LRBA: variants seen among roughly 807,000 people sequenced by gnomAD.
LRBA encodes LPS responsive beige-like anchor protein.
Under a neutral mutation model 330.0 loss-of-function variants are expected in LRBA, and 176 were observed. That is an observed-to-expected ratio of 0.53 (90% CI 0.47 to 0.60). LRBA has a LOEUF of 0.60. Ranked by LOEUF, LRBA falls within the 20% of genes least tolerant of loss-of-function variation. LRBA has a pLI of 0.00. For missense variants in LRBA, 3,259 were observed against 3,444.8 expected, an observed-to-expected ratio of 0.95 and a Z score of 1.35; for synonymous variants, 1,230 against 1,193.0, an observed-to-expected ratio of 1.03 and a Z score of -0.64.
At chr4:150,798,767 ATTTAAAG>A (rs1741160968) in intron 33 of LRBA, among the ~76,000 whole-genome samples, 1 of 152,174 alleles carries the variant, frequency 6.6e-6, no homozygotes, top group African/African-American at 2.4e-5. Context: ...ATTAATACCT[ATTTAAAG>A]AAGTCTTTGG....
intron 33 of LRBA, among the ~76,000 whole-genome samples, chr4:150,805,274 A>AAAGGAG (rs1742439072): frequency 2.3e-5 from 3 of 129,946 alleles, no homozygotes; most frequent in East Asian, 2.2e-4. Flanking sequence ...GAAGGAAAGG[A>AAAGGAG]AAGGAAAGGA....
intron 40 of LRBA, among the ~76,000 whole-genome samples, chr4:150,568,028 G>A (rs908269727): frequency 2.6e-5 from 4 of 152,086 alleles, no homozygotes; most frequent in African/African-American, 7.2e-5. Flanking sequence ...GCACTTGCCC[G>A]GGCACTGTGG....
chr4:150,823,122 T>C (rs1464091337), intron 30 of LRBA, among the ~76,000 whole-genome samples: 1 of 152,202 alleles, frequency 6.6e-6, no homozygotes, highest in African/African-American at 2.4e-5. Flanking sequence ...CGATTTTAAC[T>C]GGAGTGAGAT....
intron 34 of LRBA, among the ~76,000 whole-genome samples, chr4:150,789,296 A>G (rs181358973): frequency 6.6e-6 from 1 of 152,260 alleles, no homozygotes; most frequent in Admixed American, 6.5e-5. Flanking sequence ...TCAGGCCTAA[A>G]TCAAAGTTCA....
intron 37 of LRBA, among the ~76,000 whole-genome samples, chr4:150,656,240 A>G (rs1171724778): frequency 6.6e-6 from 1 of 152,198 alleles, no homozygotes. Flanking sequence ...CCCCAAGTGA[A>G]AGGTCTAATT....
At chr4:150,809,368 C>A (rs956855839) in intron 31 of LRBA, among the ~76,000 whole-genome samples, 9 of 152,098 alleles carry the variant, frequency 5.9e-5, no homozygotes, top group African/African-American at 2.2e-4. Flanking sequence ...GATTCAAGAT[C>A]TGTGTAAGAA....
intron 34 of LRBA, among the ~76,000 whole-genome samples, chr4:150,790,882 T>C (rs1193208910): frequency 6.6e-6 from 1 of 152,078 alleles, no homozygotes; most frequent in Non-Finnish European, 1.5e-5. Context: ...ACAATATGAG[T>C]GTATTAGAAG....
At chr4:151,006,843 C>T (rs910604824) in intron 2 of LRBA, among the ~76,000 whole-genome samples, 2 of 152,130 alleles carry the variant, frequency 1.3e-5, no homozygotes, top group Non-Finnish European at 2.9e-5. Context: ...TTCACCAATT[C>T]ACCCAAATTT....
Position 150,872,774 on chromosome 4 carries a change from A to T in LRBA, c.2166-19T>A. Reference sequence around the variant, plus strand: ...GATAACACTGAATGAATAAAAATTTAAAACAAACTATTTTGAGTATAATTT... The same window carrying T: ...GATAACACTGAATGAATAAAAATTTTAAACAAACTATTTTGAGTATAATTT... On this transcript the variant is annotated intron_variant, in intron 17 of 56. Transcript: ENST00000651943. 7.7e-7 allele frequency: 1 copy of T among 1,292,308 alleles called. No homozygotes were observed. The highest frequency in any genetic ancestry group is 1.1e-6 in the Non-Finnish European group (1 of 904,878). 80.1% of individuals were successfully genotyped at this position (1,292,308 alleles called of 1,614,324 possible). A position where few individuals can be genotyped will look rare whatever the true frequency, so the allele number is the denominator to read the frequency against.
In LRBA at chr4:150,588,115, A is replaced by G; in HGVS notation, c.6263T>C (p.Val2088Ala). The change falls in exon 40 of 57, where the codon GTC becomes GCC. Residue 2088 changes from valine to alanine, a missense_variant. Coordinates refer to ENST00000651943, the MANE Select transcript of LRBA (RefSeq NM_001364905.1). ...PSVVVKGTLS[V>A]TSSELYFEVD... is the part of the protein sequence containing the mutation. ...CTCAAAATAGAGTTCGGAGGAGGTG[A>G]CAGAAAGAGTGCCCTTTACTACAAC... is the stretch of plus-strand genomic sequence containing the variant. The G allele has an allele frequency of 6.2e-7, 1 of 1,612,712 alleles. No individual in the cohort carries two copies. The highest frequency in any genetic ancestry group is 1.1e-5 in the South Asian group (1 of 90,628).
chr4:150,721,826 AG>A (rs1728979728), intron 36 of LRBA, among the ~76,000 whole-genome samples: 1 of 152,260 alleles, frequency 6.6e-6, no homozygotes, highest in East Asian at 1.9e-4. Context: ...CTTGTTGGCC[AG>A]GCTGGTCGCG....
intron 24 of LRBA, among the ~76,000 whole-genome samples, chr4:150,849,899 A>G (rs755190603): frequency 5.9e-5 from 9 of 152,214 alleles, no homozygotes; most frequent in Middle Eastern, 3.2e-3. Context: ...AAATACTGGT[A>G]AATGTGCTAT....
At chr4:150,856,232 G>C (rs2126937635) in intron 22 of LRBA, among the ~76,000 whole-genome samples, 1 of 152,250 alleles carries the variant, frequency 6.6e-6, no homozygotes, top group Middle Eastern at 3.4e-3. Context: ...AGCAAGCTAA[G>C]TACTCCTAAT....
At position 150,928,591 on chromosome 4, in the gene LRBA, C is replaced by A; in HGVS notation, c.474G>T (p.Val158=). Residue 158 remains valine, a synonymous_variant, in exon 4 of 57, where the codon GTG becomes GTT. Coordinates refer to ENST00000651943, the MANE Select transcript of LRBA (RefSeq NM_001364905.1). ...IADLLVDMLG[V]LASYNLTVRE... ...GAACTGTCAAATTATAGCTAGCCAG[C>A]ACTCCCAACATGTCAACCAAAAGAT... is the stretch of plus-strand genomic sequence containing the variant. 1 of 1,613,594 alleles carries A rather than the reference C, an allele frequency of 6.2e-7. No homozygotes were observed. Among genetic ancestry groups the A allele is most frequent in the Non-Finnish European group, 8.5e-7 (1 of 1,179,700 alleles).
At chr4:150,856,260 T>C (rs1403274092) in intron 22 of LRBA, among the ~76,000 whole-genome samples, 2 of 152,114 alleles carry the variant, frequency 1.3e-5, no homozygotes, top group Non-Finnish European at 2.9e-5. Context: ...CAGGTCCACC[T>C]CTCCTGAGTG....
At chr4:150,853,006 T>C (rs1431554942) in intron 22 of LRBA, 63 bp from the exon 23 acceptor site, 29 of 860,246 alleles carry the variant, frequency 3.4e-5, no homozygotes, top group Non-Finnish European at 4.2e-5. Flanking sequence ...ATACAAAATA[T>C]AAAACTAAAT....
intron 53 of LRBA, among the ~76,000 whole-genome samples, chr4:150,300,111 C>T (rs1580943125): frequency 6.6e-6 from 1 of 151,938 alleles, no homozygotes; most frequent in African/African-American, 2.4e-5. Flanking sequence ...TTTTGAAAAG[C>T]GTAGATTGCA....
intron 40 of LRBA, among the ~76,000 whole-genome samples, chr4:150,537,106 C>A (rs1336029462): frequency 2.6e-5 from 4 of 152,162 alleles, no homozygotes; most frequent in Non-Finnish European, 5.9e-5. Context: ...ATAACCAAAA[C>A]AGCATGATAC....
intron 34 of LRBA, among the ~76,000 whole-genome samples, chr4:150,781,491 G>A (rs544798434): frequency 2.7e-4 from 41 of 152,346 alleles, no homozygotes; most frequent in African/African-American, 9.6e-4. Context: ...TACAGATGAA[G>A]CTTGGCTGGC....
Sources: allele counts gnomAD v4.1 joint callset (sites outside exome capture counted in the v4.1 genomes callset), GRCh38; gene constraint gnomAD v4.1.1; transcripts MANE v1.5; gene names NCBI Gene and HGNC (gene_info 2026-07-23, HGNC 2026-07-21).